The following ZNF554 variants were observed in gnomAD, a reference collection of about 807,000 sequenced individuals.
ZNF554 encodes zinc finger protein 554.
A neutral mutation model predicts 21.2 loss-of-function variants in ZNF554; 15 were observed. The ratio of observed to expected loss-of-function variants is 0.71; its 90% CI spans 0.47 to 1.09. ZNF554 has a LOEUF of 1.09. Ranked by LOEUF, ZNF554 falls within the 50% of genes least tolerant of loss-of-function variation. The pLI, the probability that ZNF554 is intolerant of heterozygous loss-of-function variation, is 0.00. For synonymous variants in ZNF554, 258 were observed against 251.4 expected (o/e 1.03, Z -0.25); for missense variants, 691 against 662.7 (o/e 1.04, Z -0.47).
intron 4 of ZNF554, 43 bp from the exon 5 acceptor site, chr19:2,833,638 T>C: frequency 1.3e-6 from 2 of 1,492,376 alleles, no homozygotes; most frequent in Non-Finnish European, 1.8e-6. Flanking sequence ...CAAGTAGCTG[T>C]TTCTTCTTCT....
chr19:2,825,308 C>T (rs2144807847), intron 2 of ZNF554, among the ~76,000 whole-genome samples: 1 of 151,478 alleles, frequency 6.6e-6, no homozygotes, highest in African/African-American at 2.4e-5. Flanking sequence ...GCCACCACGT[C>T]CGCCCTCTGC....
chr19:2,826,664 CTT>C (rs57117616), intron 2 of ZNF554, among the ~76,000 whole-genome samples: 18 of 140,798 alleles, frequency 1.3e-4, no homozygotes, highest in Non-Finnish European at 9.4e-5. Flanking sequence ...GCAGATTCCT[CTT>C]TTTTTTTTTT....
Position 2,820,012 on chromosome 19 carries a change from C to T in ZNF554, c.-60C>T. On this transcript the variant is annotated 5_prime_UTR_variant, in exon 1 of 5. Coordinates refer to ENST00000317243, the MANE Select transcript of ZNF554 (RefSeq NM_001102651.2). ...CCAGGGACACGCAGGGGAGGCCGGC[C>T]GGCCTGCACGGGGCGCTCCCGCCTC... is the stretch of plus-strand genomic sequence containing the variant. The T allele has an allele frequency of 7.7e-6, 9 of 1,174,174 alleles. No individual in the cohort carries two copies. The highest frequency in any genetic ancestry group is 8.5e-6 in the Non-Finnish European group (8 of 945,722). The allele number at this position is 1,174,174 out of a possible 1,614,324, so 72.7% of individuals were successfully genotyped here.
At chr19:2,824,841 G>T (rs1274351807) in intron 2 of ZNF554, among the ~76,000 whole-genome samples, 1 of 151,966 alleles carries the variant, frequency 6.6e-6, no homozygotes, top group Admixed American at 6.6e-5. Context: ...CTGTCCCCAT[G>T]AGACACTCAT....
At chr19:2,828,140 A>C (rs1022531454) in intron 3 of ZNF554, among the ~76,000 whole-genome samples, 5 of 152,190 alleles carry the variant, frequency 3.3e-5, no homozygotes, top group African/African-American at 1.2e-4. Context: ...AACACAGCCA[A>C]ACCATGTCAT....
chr19:2,826,432 G>C (rs2087335086), intron 2 of ZNF554: 1 of 150,972 alleles, frequency 6.6e-6, no homozygotes, highest in African/African-American at 2.4e-5. Context: ...TTGAACTCCT[G>C]ACCTTGTGAT....
Position 2,821,838 on chromosome 19 carries a change from AT to A in ZNF554, c.54-1197del, listed in dbSNP as rs1252520777. Among the ~76,000 whole-genome samples the A allele has an allele frequency of 6.7e-6, 1 of 150,262 alleles. No homozygotes were observed. The highest frequency in any genetic ancestry group is 1.5e-5 in the Non-Finnish European group (1 of 67,520). On this transcript the variant is annotated intron_variant, in intron 1 of 4. Coordinates refer to ENST00000317243, the MANE Select transcript of ZNF554 (RefSeq NM_001102651.2). The surrounding 1 kb of genome is among the most constrained non-coding windows in gnomAD (Gnocchi z 8.2). ...GCCACCACACCCAGCTAATTTTTGTATTTTTAGTAGAGACGGGGGTTTTGCC... is the reference window on the plus strand; with the variant it reads ...GCCACCACACCCAGCTAATTTTTGTATTTTAGTAGAGACGGGGGTTTTGCC...
rs141660745 is a variant in ZNF554 at position 2,834,444 on chromosome 19, C to A, written c.1209C>A (p.Thr403=). ...TGACTCAGCATCAGAGGATTCACAC[C>A]GGGGAAAAGCCCTATAAATGTGAAG... ...SSLTQHQRIH[T]GEKPYKCEDC... The change falls in exon 5 of 5, where the codon ACC becomes ACA. Residue 403 remains threonine (T), a synonymous_variant. Transcript: ENST00000317243. The A allele has an allele frequency of 6.2e-7, 1 of 1,613,768 alleles. No individual in the cohort carries two copies. The highest frequency in any genetic ancestry group is 1.3e-5 in the African/African-American group (1 of 74,850).
At chr19:2,827,011 G>T (rs934544750) in intron 2 of ZNF554, among the ~76,000 whole-genome samples, 5 of 152,184 alleles carry the variant, frequency 3.3e-5, no homozygotes, top group African/African-American at 9.7e-5. Context: ...GTAACTCTGA[G>T]TCATGGAAGC....
At chr19:2,827,520 C>G in intron 2 of ZNF554, 97 bp from the exon 3 acceptor site, 1 of 1,485,216 alleles carries the variant, frequency 6.7e-7, no homozygotes, top group Non-Finnish European at 9.1e-7. Flanking sequence ...GCACCTTGAC[C>G]TTTCTCAACT....
rs1212265375 is a variant in ZNF554 at position 2,836,349 on chromosome 19, G to A, written c.*1497G>A. On this transcript the variant is annotated 3_prime_UTR_variant, in exon 5 of 5. Transcript: ENST00000317243. Reference sequence around the variant, plus strand: ...GATTATGGGTGCGAGCCGCCGTGCTGGGATTACAGGTGTGAACCACTGCTC... The same window carrying A: ...GATTATGGGTGCGAGCCGCCGTGCTAGGATTACAGGTGTGAACCACTGCTC... Among the ~76,000 whole-genome samples the A allele has an allele frequency of 6.6e-6, 1 of 152,202 alleles. No individual in the cohort carries two copies. Among genetic ancestry groups the A allele is most frequent in the Non-Finnish European group, 1.5e-5 (1 of 68,042 alleles).
chr19:2,828,806 G>C (rs1299663565), intron 3 of ZNF554, among the ~76,000 whole-genome samples: 4 of 152,104 alleles, frequency 2.6e-5, no homozygotes, highest in African/African-American at 7.2e-5. Context: ...CAGCAAGAGA[G>C]GGAAGAGAGC....
chr19:2,835,860 T>A lies in ZNF554; in HGVS notation c.*1008T>A, dbSNP rs768732798. The A allele has an allele frequency of 1.3e-5, 2 of 152,356 alleles. No individual in the cohort carries two copies. The highest frequency in any genetic ancestry group is 6.5e-5 in the Admixed American group (1 of 15,288). 9.4% of individuals were successfully genotyped at this position (152,356 alleles called of 1,614,324 possible). On this transcript the variant is annotated 3_prime_UTR_variant, in exon 5 of 5. Coordinates refer to ENST00000317243, the MANE Select transcript of ZNF554 (RefSeq NM_001102651.2). ...GTTTATATGAGACGAGTTTTCACTCTGTTGCTGAGGCTGAAGTGCAGTGGC... is the reference window on the plus strand; with the variant it reads ...GTTTATATGAGACGAGTTTTCACTCAGTTGCTGAGGCTGAAGTGCAGTGGC...
chr19:2,834,131 T>C lies in ZNF554; in HGVS notation c.896T>C (p.Leu299Ser). Residue 299 changes from leucine (L) to serine (S), a missense_variant, in exon 5 of 5, where the codon TTG (leucine) becomes TCG (serine). Leu to Ser is a moderately radical substitution (Grantham distance 145). Transcript: ENST00000317243. Reference sequence around the variant, plus strand: ...CACGGGGGGAAGATGTTTGTGTATTTGGAAAATGGGCAGTCATTGAACCAC... The same window carrying C: ...CACGGGGGGAAGATGTTTGTGTATTCGGAAAATGGGCAGTCATTGAACCAC... ...IQHGGKMFVY[L>S]ENGQSLNHGM... The C allele has an allele frequency of 6.2e-7, 1 of 1,614,046 alleles. No individual in the cohort carries two copies. Among genetic ancestry groups the C allele is most frequent in the Non-Finnish European group, 8.5e-7 (1 of 1,180,032 alleles).
intron 2 of ZNF554, among the ~76,000 whole-genome samples, chr19:2,825,003 GTTTTTTTTTT>G (rs140025750): frequency 1.0e-5 from 1 of 97,696 alleles, no homozygotes; most frequent in African/African-American, 3.8e-5. Context: ...GATTGCAGTT[GTTTTTTTTTT>G]TTTTTTTTTT....
At chr19:2,830,915 C>T (rs1224214990) in intron 3 of ZNF554, 1 of 152,344 alleles carries the variant, frequency 6.6e-6, no homozygotes, top group Non-Finnish European at 1.5e-5. Context: ...AGGCATGCGC[C>T]ACCACACCCG....
At chr19:2,830,005 A>G (rs2087392069) in intron 3 of ZNF554, among the ~76,000 whole-genome samples, 1 of 152,018 alleles carries the variant, frequency 6.6e-6, no homozygotes, top group African/African-American at 2.4e-5. Context: ...GCTCACTGCA[A>G]GCTCCGCCTC....
At chr19:2,830,077 A>G (rs1639174) in intron 3 of ZNF554, among the ~76,000 whole-genome samples, 17,704 of 152,118 alleles carry the variant, frequency 0.12, 1,432 homozygotes, top group Non-Finnish European at 0.18. Context: ...GGCGCCCGCC[A>G]CCATGCCCGG....
intron 4 of ZNF554, among the ~76,000 whole-genome samples, chr19:2,832,836 C>T (rs1206586384): frequency 6.6e-6 from 1 of 152,060 alleles, no homozygotes; most frequent in Non-Finnish European, 1.5e-5. Context: ...GTCTCCTGAG[C>T]AGCTGGGACT....
Sources: gnomAD v4.1 joint callset for allele counts (sites outside exome capture counted in the v4.1 genomes callset) on GRCh38, gnomAD v4.1.1 for gene constraint, Gnocchi (gnomAD v3.1) non-coding constraint, MANE v1.5 for transcripts, NCBI Gene and HGNC (gene_info 2026-07-23, HGNC 2026-07-21) for gene names.